The following SOCS6 variants were observed in gnomAD, a reference collection of about 807,000 sequenced individuals.
SOCS6 encodes suppressor of cytokine signaling 6.
SOCS6 carries 5 observed loss-of-function variants against 27.7 expected under a neutral mutation model. The ratio of observed to expected loss-of-function variants is 0.18; its 90% confidence interval spans 0.09 to 0.38. The LOEUF (loss-of-function observed/expected upper bound fraction) is 0.38. Among genes scored for constraint, SOCS6 ranks in the 10% least tolerant of loss-of-function variants. The pLI, the probability that SOCS6 is intolerant of heterozygous loss-of-function variation, is 1.00. For synonymous variants in SOCS6, 271 were observed against 260.0 expected (o/e 1.04, Z -0.41); for missense variants, 595 against 688.1 (o/e 0.86, Z 1.51).
chr18:70,289,560 C>T (rs1003604983), intron 1 of SOCS6, among the ~76,000 whole-genome samples: 14 of 147,036 alleles, frequency 9.5e-5, no homozygotes, highest in African/African-American at 2.4e-4. Context: ...CGGCTCTGCG[C>T]CCCGGCCGGG....
intron 1 of SOCS6, among the ~76,000 whole-genome samples, chr18:70,294,841 T>C (rs2062316422): frequency 6.6e-6 from 1 of 152,230 alleles, no homozygotes; most frequent in African/African-American, 2.4e-5. Flanking sequence ...CTGCTCTGAT[T>C]ATGTTTGTTC....
intron 1 of SOCS6, among the ~76,000 whole-genome samples, chr18:70,308,058 A>G (rs1422489852): frequency 1.3e-5 from 2 of 152,004 alleles, no homozygotes; most frequent in African/African-American, 4.8e-5. Context: ...TTTCCTTGTG[A>G]TTTTTTAGTC....
Position 70,329,961 on chromosome 18 carries a change from A to T in SOCS6, c.*3685A>T, listed in dbSNP as rs1484228675. Reference sequence around the variant, plus strand: ...TAGTCGTTGGAGTGCCATGAAATTAATACTTGCAATTCAGATTGCGGTAGT... The same window carrying T: ...TAGTCGTTGGAGTGCCATGAAATTATTACTTGCAATTCAGATTGCGGTAGT... On this transcript the variant is annotated 3_prime_UTR_variant, in exon 2 of 2. Transcript: ENST00000397942. 1 of 167,104 alleles carries T rather than the reference A, an allele frequency of 6.0e-6. No individual in the cohort carries two copies. Among genetic ancestry groups the T allele is most frequent in the Non-Finnish European group, 1.5e-5 (1 of 68,104 alleles). 10.4% of individuals were successfully genotyped at this position (167,104 alleles called of 1,614,324 possible).
At chr18:70,312,771 A>ATTTTTTTTTTTTTTTTTT (rs375997089) in intron 1 of SOCS6, among the ~76,000 whole-genome samples, 1 of 121,984 alleles carries the variant, frequency 8.2e-6, no homozygotes, top group African/African-American at 3.1e-5. Context: ...AATTCTTTGG[A>ATTTTTTTTTTTTTTTTTT]TTTTTTTTTT....
intron 1 of SOCS6, among the ~76,000 whole-genome samples, chr18:70,304,247 A>G (rs1158229146): frequency 6.8e-6 from 1 of 147,448 alleles, no homozygotes; most frequent in Admixed American, 6.9e-5. Flanking sequence ...AGAAAAAGAA[A>G]AGACACAGGA....
chr18:70,298,262 A>C (rs1322413051), intron 1 of SOCS6, among the ~76,000 whole-genome samples: 2 of 152,242 alleles, frequency 1.3e-5, no homozygotes, highest in Non-Finnish European at 2.9e-5. Flanking sequence ...AAAGAATCTT[A>C]CCTACTTGGT....
In SOCS6 at chr18:70,324,698, G is replaced by A. The variant is rs1308360852; in HGVS notation, c.30G>A (p.Arg10=). MKKISLKTL[R]KSFNLNKSKE... The stretch of plus-strand genomic sequence containing the variant: ...AGAAAATTAGTCTTAAAACCTTACG[G>A]AAATCTTTTAACTTGAATAAAAGTA... Residue 10 remains arginine (R), a synonymous_variant, in exon 2 of 2, where the codon CGG becomes CGA. Transcript: ENST00000397942. 1 of 1,598,926 alleles carries A rather than the reference G, an allele frequency of 6.3e-7. No homozygotes were observed. The highest frequency in any genetic ancestry group is 8.5e-7 in the Non-Finnish European group (1 of 1,171,292).
chr18:70,294,788 G>A (rs1331749850), intron 1 of SOCS6, among the ~76,000 whole-genome samples: 1 of 152,152 alleles, frequency 6.6e-6, no homozygotes, highest in Admixed American at 6.5e-5. Context: ...GTGGGAGACC[G>A]AGAACAAAAA....
At chr18:70,317,481 CATACATATATACACAT>C (rs1568602741) in intron 1 of SOCS6, among the ~76,000 whole-genome samples, 77 of 135,624 alleles carry the variant, frequency 5.7e-4, no homozygotes, top group African/African-American at 2.6e-3. Context: ...CACATATATA[CATACATATATACACAT>C]ATATACATAC....
At chr18:70,304,723 T>C (rs550247569) in intron 1 of SOCS6, among the ~76,000 whole-genome samples, 233 of 152,354 alleles carry the variant, frequency 1.5e-3, no homozygotes, top group African/African-American at 5.3e-3. Context: ...TACACAGATA[T>C]TTTCTTCTAG....
Position 70,324,727 on chromosome 18 carries a change from A to G in SOCS6, c.59A>G (p.Glu20Gly), listed in dbSNP as rs1164174454. ...RKSFNLNKSK[E>G]ETDFMVVQQP... ...TCTTTTAACTTGAATAAAAGTAAAG[A>G]AGAAACTGATTTCATGGTAGTACAA... The change falls in exon 2 of 2, where the codon GAA (glutamate) becomes GGA (glycine). Residue 20 changes from glutamate (E) to glycine (G), a missense_variant. Glu to Gly is a moderately conservative substitution (Grantham distance 98). Transcript: ENST00000397942. 1 of 1,610,358 alleles carries G rather than the reference A, an allele frequency of 6.2e-7. No individual in the cohort carries two copies. Among genetic ancestry groups the G allele is most frequent in the Non-Finnish European group, 8.5e-7 (1 of 1,177,728 alleles).
Position 70,324,534 on chromosome 18 carries a change from A to G in SOCS6, c.-126-9A>G, listed in dbSNP as rs1380994987. ...TTAATATGACTCTTTTTATATTTTT[A>G]TTTTTTAGAAAATGGCTCCAAAGGT... On this transcript the variant is annotated splice_polypyrimidine_tract_variant and intron_variant, in intron 1 of 1. Coordinates refer to ENST00000397942, the MANE Select transcript of SOCS6 (RefSeq NM_004232.4). 1.6e-6 allele frequency: 1 copy of G among 623,752 alleles called. No individual in the cohort carries two copies. Among genetic ancestry groups the G allele is most frequent in the South Asian group, 2.5e-5 (1 of 39,548 alleles). 38.6% of individuals were successfully genotyped at this position (623,752 alleles called of 1,614,324 possible). A position where few individuals can be genotyped will look rare whatever the true frequency, so the allele number is the denominator to read the frequency against.
At chr18:70,318,075 C>T (rs183549064) in intron 1 of SOCS6, among the ~76,000 whole-genome samples, 7 of 152,214 alleles carry the variant, frequency 4.6e-5, no homozygotes, top group African/African-American at 1.7e-4. Context: ...GACTGGCCCT[C>T]GAACGCCTGA....
intron 1 of SOCS6, among the ~76,000 whole-genome samples, chr18:70,306,925 T>G (rs1314450925): frequency 6.6e-6 from 1 of 152,182 alleles, no homozygotes; most frequent in Non-Finnish European, 1.5e-5. Context: ...TCAAGGTATA[T>G]AATGCTTTTT....
intron 1 of SOCS6, among the ~76,000 whole-genome samples, chr18:70,319,608 T>TAAAAAAAAAAAAAAAAAA (rs34494275): frequency 1.6e-5 from 2 of 126,350 alleles, no homozygotes; most frequent in Admixed American, 7.9e-5. Flanking sequence ...AGCACTTCAG[T>TAAAAAAAAAAAAAAAAAA]AAAAAAAAAA....
chr18:70,324,881 G>C lies in SOCS6; in HGVS notation c.213G>C (p.Glu71Asp), dbSNP rs764067152. The change falls in exon 2 of 2, where the codon GAG (glutamate) becomes GAC (aspartate). Residue 71 changes from glutamate to aspartate, a missense_variant. This residue lies in a region of SOCS6 where 467 missense variants were observed against 481.1 expected (regional missense o/e 0.97). Coordinates refer to ENST00000397942, the MANE Select transcript of SOCS6 (RefSeq NM_004232.4). The stretch of plus-strand genomic sequence containing the variant: ...GCGGAAAAAACAGATCAAAAAGCGA[G>C]AGCCTGATGGGTACGCTAAAAAGGC... Reference protein sequence around the residue: ...EKGGKNRSKSESLMGTLKRRL... With the variant: ...EKGGKNRSKSDSLMGTLKRRL... 1.2e-6 allele frequency: 2 copies of C among 1,614,188 alleles called. No homozygotes were observed. Among genetic ancestry groups the C allele is most frequent in the South Asian group, 2.2e-5 (2 of 91,078 alleles).
intron 1 of SOCS6, among the ~76,000 whole-genome samples, chr18:70,317,884 T>G (rs1177093737): frequency 6.6e-6 from 1 of 152,158 alleles, no homozygotes; most frequent in Non-Finnish European, 1.5e-5. Flanking sequence ...CTACACTCGG[T>G]CACCCAGGTT....
At chr18:70,306,435 ATC>A (rs1370082743) in intron 1 of SOCS6, among the ~76,000 whole-genome samples, 2 of 145,870 alleles carry the variant, frequency 1.4e-5, no homozygotes, top group Non-Finnish European at 3.0e-5. Context: ...GTGAGCTGAG[ATC>A]GTGCCATTGC....
Position 70,324,720 on chromosome 18 carries a change from A to C in SOCS6, c.52A>C (p.Ser18Arg), listed in dbSNP as rs142610203. 2.5e-6 allele frequency: 4 copies of C among 1,607,408 alleles called. No individual in the cohort carries two copies. Among genetic ancestry groups the C allele is most frequent in the Non-Finnish European group, 2.5e-6 (3 of 1,176,724 alleles). The change falls in exon 2 of 2, where the codon AGT becomes CGT. Residue 18 changes from serine to arginine, a missense_variant. Around this residue, in one of 2 missense-constraint regions of SOCS6, gnomAD observed 467 missense variants for 481.1 expected, o/e 0.97. Coordinates refer to ENST00000397942, the MANE Select transcript of SOCS6 (RefSeq NM_004232.4). ...TLRKSFNLNK[S>R]KEETDFMVVQ... The stretch of plus-strand genomic sequence containing the variant: ...ACGGAAATCTTTTAACTTGAATAAA[A>C]GTAAAGAAGAAACTGATTTCATGGT...
Sources: gnomAD v4.1 joint callset for allele counts (sites outside exome capture counted in the v4.1 genomes callset) on GRCh38, gnomAD v4.1.1 for gene constraint, gnomAD v4.1.1 regional missense constraint, MANE v1.5 for transcripts, NCBI Gene and HGNC (gene_info 2026-07-23, HGNC 2026-07-21) for gene names.